NRG3: variants seen among roughly 807,000 people sequenced by gnomAD.
NRG3 encodes neuregulin 3.
A neutral mutation model predicts 66.9 loss-of-function variants in NRG3; 31 were observed. The ratio of observed to expected loss-of-function variants is 0.46; its 90% confidence interval spans 0.35 to 0.63. The LOEUF (loss-of-function observed/expected upper bound fraction) is 0.63. Among genes scored for constraint, NRG3 ranks in the 20% least tolerant of loss-of-function variants. The probability of loss-of-function intolerance (pLI) is 0.00; values close to 1 mark genes in which losing one functional copy is unlikely to be tolerated. For missense variants in NRG3, 910 were observed against 878.9 expected (o/e 1.04, Z -0.45); for synonymous variants, 393 against 359.4 (o/e 1.09, Z -1.06).
intron 1 of NRG3, among the ~76,000 whole-genome samples, chr10:82,326,453 G>T (rs2081877907): frequency 6.6e-6 from 1 of 151,184 alleles, no homozygotes; most frequent in African/African-American, 2.5e-5. Context: ...TAATTTTCAT[G>T]ATTTTTTTTA....
intron 1 of NRG3, among the ~76,000 whole-genome samples, chr10:82,183,948 C>G (rs1308481905): frequency 6.6e-6 from 1 of 152,062 alleles, no homozygotes; most frequent in Non-Finnish European, 1.5e-5. Flanking sequence ...AGGAGTTGCC[C>G]TTGTCTACAG....
chr10:82,767,377 C>T (rs1405790058), intron 3 of NRG3, among the ~76,000 whole-genome samples: 2 of 152,064 alleles, frequency 1.3e-5, no homozygotes, highest in Non-Finnish European at 2.9e-5. Context: ...AAATAAGGAC[C>T]ATATATTCCC....
chr10:82,386,176 C>T (rs2085975058), intron 2 of NRG3, among the ~76,000 whole-genome samples: 1 of 152,204 alleles, frequency 6.6e-6, no homozygotes, highest in African/African-American at 2.4e-5. Flanking sequence ...AAAGGCCATA[C>T]ATATTTAAAC....
chr10:82,123,206 A>G (rs2068206362), intron 1 of NRG3, among the ~76,000 whole-genome samples: 1 of 152,168 alleles, frequency 6.6e-6, no homozygotes, highest in South Asian at 2.1e-4. Context: ...AAGGCATATT[A>G]CTAGAAGTAT....
chr10:82,435,461 A>T (rs1010591405), intron 2 of NRG3, among the ~76,000 whole-genome samples: 6 of 151,570 alleles, frequency 4.0e-5, no homozygotes, highest in Admixed American at 1.3e-4. Context: ...TTCTTCTCTG[A>T]TCTTAGTTAT....
chr10:82,819,931 TA>T (rs2061874560), intron 3 of NRG3, among the ~76,000 whole-genome samples: 1 of 152,126 alleles, frequency 6.6e-6, no homozygotes. Flanking sequence ...GAACTTGCAG[TA>T]GGCAGCAGTG....
intron 2 of NRG3, among the ~76,000 whole-genome samples, chr10:82,689,797 G>A (rs1454757174): frequency 1.3e-5 from 2 of 152,164 alleles, no homozygotes; most frequent in African/African-American, 4.8e-5. Flanking sequence ...GAAGAAAGGA[G>A]AGGAAAATCA....
chr10:82,725,618 T>C (rs190387911), intron 2 of NRG3, among the ~76,000 whole-genome samples: 49 of 152,312 alleles, frequency 3.2e-4, no homozygotes, highest in African/African-American at 9.1e-4. Flanking sequence ...TATTCCAACA[T>C]AGGTAAAATT....
chr10:82,305,286 C>T (rs558150757), intron 1 of NRG3, among the ~76,000 whole-genome samples: 9 of 152,116 alleles, frequency 5.9e-5, no homozygotes, highest in Middle Eastern at 3.4e-3. Flanking sequence ...TGAGCTACCG[C>T]GCCCGGCCCA....
intron 1 of NRG3, among the ~76,000 whole-genome samples, chr10:82,246,493 C>T (rs1355407168): frequency 6.6e-6 from 1 of 152,142 alleles, no homozygotes; most frequent in Non-Finnish European, 1.5e-5. Context: ...AAACTTTTTT[C>T]ACTGAGATAA....
intron 2 of NRG3, among the ~76,000 whole-genome samples, chr10:82,722,169 G>C (rs969595622): frequency 4.6e-5 from 7 of 152,246 alleles, no homozygotes; most frequent in Admixed American, 4.6e-4. Context: ...GTGGGGCCTG[G>C]TTGTTGTTCG....
At chr10:82,727,768 A>C (rs2057684406) in intron 2 of NRG3, among the ~76,000 whole-genome samples, 1 of 152,088 alleles carries the variant, frequency 6.6e-6, no homozygotes, top group Non-Finnish European at 1.5e-5. Context: ...AATTGCTTGC[A>C]CTGTGCACCT....
At chr10:82,634,415 A>G (rs1044469865) in intron 2 of NRG3, among the ~76,000 whole-genome samples, 2 of 152,042 alleles carry the variant, frequency 1.3e-5, no homozygotes, top group Non-Finnish European at 2.9e-5. Context: ...CTAGAGTCCC[A>G]TATTCATTAT....
At chr10:82,092,856 T>G (rs941414877) in intron 1 of NRG3, among the ~76,000 whole-genome samples, 4 of 152,174 alleles carry the variant, frequency 2.6e-5, no homozygotes, top group Non-Finnish European at 5.9e-5. Context: ...TTGGGCAGCA[T>G]CTGCCTGGAC....
At chr10:82,487,855 A>G (rs927659442) in intron 2 of NRG3, among the ~76,000 whole-genome samples, 16 of 152,162 alleles carry the variant, frequency 1.1e-4, no homozygotes, top group African/African-American at 3.4e-4. Context: ...ACATTTCAGT[A>G]TATTATGAGT....
At chr10:82,774,736 T>C (rs1305551869) in intron 3 of NRG3, among the ~76,000 whole-genome samples, 1 of 151,332 alleles carries the variant, frequency 6.6e-6, no homozygotes, top group Non-Finnish European at 1.5e-5. Flanking sequence ...GTTTTATTGA[T>C]TTTTTTGTTT....
intron 1 of NRG3, among the ~76,000 whole-genome samples, chr10:82,088,522 A>G (rs2065851709): frequency 6.6e-6 from 1 of 152,170 alleles, no homozygotes; most frequent in Non-Finnish European, 1.5e-5. Context: ...CCTTTCATGC[A>G]TAACTTGAAT....
chr10:82,012,751 CA>C (rs2061632777), intron 1 of NRG3, among the ~76,000 whole-genome samples: 1 of 152,136 alleles, frequency 6.6e-6, no homozygotes, highest in Admixed American at 6.5e-5. Context: ...AGGGCAGGGG[CA>C]AAATGTGACC....
intron 1 of NRG3, among the ~76,000 whole-genome samples, chr10:82,248,369 A>G (rs1046017090): frequency 6.6e-6 from 1 of 151,996 alleles, no homozygotes; most frequent in Non-Finnish European, 1.5e-5. Flanking sequence ...CTCCATTCCC[A>G]CTGTGACTCC....
Sources: allele counts gnomAD v4.1 joint callset (sites outside exome capture counted in the v4.1 genomes callset), GRCh38; gene constraint gnomAD v4.1.1; transcripts MANE v1.5; gene names NCBI Gene and HGNC (gene_info 2026-07-23, HGNC 2026-07-21).